The following SLC1A4 variants were observed in gnomAD, a reference collection of about 807,000 sequenced individuals.
SLC1A4 encodes the protein neutral amino acid transporter A.
A neutral mutation model predicts 37.7 loss-of-function variants in SLC1A4; 19 were observed. The ratio of observed to expected loss-of-function variants is 0.50; its 90% CI spans 0.35 to 0.74. The LOEUF (loss-of-function observed/expected upper bound fraction) is 0.74, where lower values mean the gene tolerates loss of function less well. SLC1A4 is among the 30% of genes least tolerant of loss of function. SLC1A4 has a pLI of 0.01. For missense variants in SLC1A4, 570 were observed against 712.9 expected (o/e 0.80, Z 2.28); for synonymous variants, 299 against 309.8 (o/e 0.97, Z 0.37).
rs1353431396 is a variant in SLC1A4, at chr2:65,023,696, T to C, written c.*2550T>C. 6.6e-6 allele frequency: 1 copy of C among 152,648 alleles called. No homozygotes were observed. The highest frequency in any genetic ancestry group is 1.5e-5 in the Non-Finnish European group (1 of 68,046). 9.5% of individuals were successfully genotyped at this position (152,648 alleles called of 1,614,324 possible). A position where few individuals can be genotyped will look rare whatever the true frequency, so the allele number is the denominator to read the frequency against. The stretch of plus-strand genomic sequence containing the variant: ...GTCGGTAGACCAGGGGTTACGTGAC[T>C]GGGGAAAATCTCACATCTCCTTGTC... On this transcript the variant is annotated 3_prime_UTR_variant, in exon 8 of 8. Transcript: ENST00000234256.
intron 2 of SLC1A4, among the ~76,000 whole-genome samples, chr2:65,002,567 A>ATTTT (rs1324825931): frequency 1.7e-5 from 2 of 115,520 alleles, no homozygotes; most frequent in African/African-American, 3.6e-5. Flanking sequence ...TCCTGTGACC[A>ATTTT]TTCTTTTTTT....
intron 3 of SLC1A4, among the ~76,000 whole-genome samples, chr2:65,004,448 T>C (rs1490071054): frequency 3.3e-5 from 5 of 151,314 alleles, no homozygotes; most frequent in African/African-American, 1.2e-4. Flanking sequence ...ATTTATTTAT[T>C]TATTTATTTT....
intron 3 of SLC1A4, among the ~76,000 whole-genome samples, chr2:65,008,097 T>C (rs1673758417): frequency 6.6e-6 from 1 of 152,210 alleles, no homozygotes; most frequent in South Asian, 2.1e-4. Flanking sequence ...TTTCAAATAG[T>C]AATTGAATTT....
chr2:65,014,256 G>GA (rs1263725337), intron 4 of SLC1A4, among the ~76,000 whole-genome samples: 1 of 151,830 alleles, frequency 6.6e-6, no homozygotes, highest in African/African-American at 2.4e-5. Context: ...TGCATATATA[G>GA]AAAAAAAGAG....
chr2:64,989,686 C>G lies in SLC1A4; in HGVS notation c.43C>G (p.Gln15Glu), dbSNP rs1672964795. 2 of 1,540,232 alleles carry G rather than the reference C, an allele frequency of 1.3e-6. No homozygotes were observed. Among genetic ancestry groups the G allele is most frequent in the Non-Finnish European group, 1.7e-6 (2 of 1,149,558 alleles). ...GACCAACGGCTACCTTGACAGCGCTCAGGCGGGGCCTGCGGCCGGGCCCGG... is the reference window on the plus strand; with the variant it reads ...GACCAACGGCTACCTTGACAGCGCTGAGGCGGGGCCTGCGGCCGGGCCCGG... The part of the protein sequence containing the change: ...NETNGYLDSA[Q>E]AGPAAGPGAP... Residue 15 changes from glutamine to glutamate, a missense_variant, in exon 1 of 8, where the codon CAG becomes GAG. Transcript: ENST00000234256.
At chr2:64,994,506 A>G (rs1434861475) in intron 1 of SLC1A4, among the ~76,000 whole-genome samples, 1 of 152,204 alleles carries the variant, frequency 6.6e-6, no homozygotes, top group African/African-American at 2.4e-5. Context: ...GGTAAATACA[A>G]TTAGGATTTT....
intron 3 of SLC1A4, among the ~76,000 whole-genome samples, chr2:65,007,368 T>C (rs1558521362): frequency 6.6e-6 from 1 of 152,016 alleles, no homozygotes; most frequent in East Asian, 1.9e-4. Flanking sequence ...TGGGGAGATG[T>C]GGGGGAAAAG....
chr2:65,022,539 G>A lies in SLC1A4; in HGVS notation c.*1393G>A, dbSNP rs1558532060. On this transcript the variant is annotated 3_prime_UTR_variant, in exon 8 of 8. Coordinates refer to ENST00000234256, the MANE Select transcript of SLC1A4 (RefSeq NM_003038.5). ...TGGATATCAAGTGCTAACCCAGTAT[G>A]TTCTTCTTTTTTATGTAAGGGACAG... The A allele has an allele frequency of 7.6e-6, 1 of 131,238 alleles. No individual in the cohort carries two copies. The allele number at this position is 131,238 out of a possible 1,614,324, so 8.1% of individuals were successfully genotyped here.
At chr2:64,996,421 A>C (rs1264979235) in intron 1 of SLC1A4, among the ~76,000 whole-genome samples, 3 of 152,212 alleles carry the variant, frequency 2.0e-5, no homozygotes. Flanking sequence ...AAATATTTGC[A>C]AACTTGAATA....
intron 4 of SLC1A4, among the ~76,000 whole-genome samples, 184 bp downstream of exon 4, chr2:65,010,947 C>T (rs1673895786): frequency 6.6e-6 from 1 of 152,158 alleles, no homozygotes; most frequent in Non-Finnish European, 1.5e-5. Context: ...TCCTCTTGTC[C>T]AGGACCTCAG....
At chr2:64,988,984 C>A (rs1672915360), upstream of SLC1A4, among the ~76,000 whole-genome samples, 1 of 151,206 alleles carries the variant, frequency 6.6e-6, no homozygotes, top group Admixed American at 6.6e-5. Context: ...AACGCCGCTG[C>A]GTTCTAAGTT....
chr2:65,010,599 C>T lies in SLC1A4; in HGVS notation c.636C>T (p.Ile212=), dbSNP rs1673878200. The change falls in exon 4 of 8, where the codon ATC becomes ATT. Residue 212 remains isoleucine (I), a splice_region_variant and synonymous_variant. Coordinates refer to ENST00000234256, the MANE Select transcript of SLC1A4 (RefSeq NM_003038.5). The part of the protein sequence containing the change: ...SSSGNVTHEK[I]PIGTEIEGMN... Reference sequence around the variant, plus strand: ...TTCTATCCTCTCTGATCCTGCAGATCCCCATAGGCACTGAGATAGAAGGGA... The same window carrying T: ...TTCTATCCTCTCTGATCCTGCAGATTCCCATAGGCACTGAGATAGAAGGGA... 6.2e-7 allele frequency: 1 copy of T among 1,601,564 alleles called. No individual in the cohort carries two copies. Among genetic ancestry groups the T allele is most frequent in the Non-Finnish European group, 8.5e-7 (1 of 1,175,248 alleles).
chr2:65,012,754 T>C (rs1050640571), intron 4 of SLC1A4, among the ~76,000 whole-genome samples: 4 of 152,160 alleles, frequency 2.6e-5, no homozygotes, highest in Non-Finnish European at 4.4e-5. Context: ...AAAAAAGAAA[T>C]TGGGGCAGGC....
rs375433262 is a variant in SLC1A4, at chr2:65,016,606, A to G, written c.967A>G (p.Lys323Glu). ...ACTTATTTATTTTGTTTTCACACGAAAAAACCCATTCAGATTCCTCCTGGG... is the reference window on the plus strand; with the variant it reads ...ACTTATTTATTTTGTTTTCACACGAGAAAACCCATTCAGATTCCTCCTGGG... Reference protein sequence around the residue: ...LPLIYFVFTRKNPFRFLLGLL... With the variant: ...LPLIYFVFTRENPFRFLLGLL... The change falls in exon 5 of 8, where the codon AAA becomes GAA. Residue 323 changes from lysine to glutamate, a missense_variant. Physicochemically the swap from Lys to Glu is moderately conservative, Grantham distance 56. Coordinates refer to ENST00000234256, the MANE Select transcript of SLC1A4 (RefSeq NM_003038.5). 1.9e-6 allele frequency: 3 copies of G among 1,614,046 alleles called. No homozygotes were observed. The highest frequency in any genetic ancestry group is 2.5e-6 in the Non-Finnish European group (3 of 1,180,046).
chr2:64,996,054 G>A (rs1030119798), intron 1 of SLC1A4, among the ~76,000 whole-genome samples: 1 of 152,170 alleles, frequency 6.6e-6, no homozygotes, highest in East Asian at 1.9e-4. Context: ...CGCTGGAAAA[G>A]CTTGTTCATT....
At chr2:65,002,348 CAT>C (rs1489245794) in intron 2 of SLC1A4, among the ~76,000 whole-genome samples, 1 of 143,842 alleles carries the variant, frequency 7.0e-6, no homozygotes, top group Non-Finnish European at 1.5e-5. Context: ...ACACACTACA[CAT>C]GTTGCTTCAT....
At chr2:64,989,349 G>GC, upstream of SLC1A4, 1 of 281,476 alleles carries the variant, frequency 3.6e-6, no homozygotes. Flanking sequence ...CCGCTGGCGC[G>GC]CCCTCCTACT....
In SLC1A4 at chr2:64,989,738, C is replaced by T. The variant is rs1257508479; in HGVS notation, c.95C>T (p.Ala32Val). 6.8e-7 allele frequency: 1 copy of T among 1,460,242 alleles called. No homozygotes were observed. Among genetic ancestry groups the T allele is most frequent in the East Asian group, 2.9e-5 (1 of 34,424 alleles). The allele number at this position is 1,460,242 out of a possible 1,614,324, so 90.5% of individuals were successfully genotyped here. The stretch of plus-strand genomic sequence containing the variant: ...GCTCCGGGGACCGCGGCGGGACGCG[C>T]ACGGCGTTGCGCGGGCTTCCTGCGG... ...PGAPGTAAGR[A>V]RRCAGFLRRQ... The change falls in exon 1 of 8, where the codon GCA (alanine) becomes GTA (valine). Residue 32 changes from alanine to valine, a missense_variant. Physicochemically the swap from Ala to Val is moderately conservative, Grantham distance 64. Coordinates refer to ENST00000234256, the MANE Select transcript of SLC1A4 (RefSeq NM_003038.5).
chr2:65,012,383 C>T (rs144351607), intron 4 of SLC1A4, among the ~76,000 whole-genome samples: 303 of 152,350 alleles, frequency 2.0e-3, no homozygotes, highest in Middle Eastern at 3.4e-3. Flanking sequence ...GCCACCGCGC[C>T]CAGCCTACTT....
Sources: gnomAD v4.1 joint callset for allele counts (sites outside exome capture counted in the v4.1 genomes callset) on GRCh38, gnomAD v4.1.1 for gene constraint, MANE v1.5 for transcripts, NCBI Gene and HGNC (gene_info 2026-07-23, HGNC 2026-07-21) for gene names.